Variants in SRGAP3 observed in about 807,000 individuals in gnomAD.
The protein encoded by SRGAP3 is SLIT-ROBO Rho GTPase activating protein 3.
A neutral mutation model predicts 121.1 loss-of-function variants in SRGAP3; 39 were observed. The ratio of observed to expected loss-of-function variants is 0.32; its 90% CI spans 0.25 to 0.42. The LOEUF (loss-of-function observed/expected upper bound fraction) is 0.42. Ranked by LOEUF, SRGAP3 falls within the 10% of genes least tolerant of loss-of-function variation. The pLI is 1.00. For missense variants in SRGAP3, 1,213 were observed against 1,470.6 expected, an observed-to-expected ratio of 0.82 and a Z score of 2.86; for synonymous variants, 601 against 570.0, an observed-to-expected ratio of 1.05 and a Z score of -0.77.
intron 4 of SRGAP3, among the ~76,000 whole-genome samples, 172 bp downstream of exon 4, chr3:9,079,851 GAA>G (rs1947157342): frequency 6.6e-6 from 1 of 152,230 alleles, no homozygotes; most frequent in Non-Finnish European, 1.5e-5. Context: ...TACAGAATCA[GAA>G]GCTGGGGCTG....
intron 8 of SRGAP3, among the ~76,000 whole-genome samples, chr3:9,055,344 T>A (rs952396165): frequency 2.6e-5 from 4 of 152,216 alleles, no homozygotes; most frequent in Non-Finnish European, 5.9e-5. Flanking sequence ...CTTTAAAGAA[T>A]AAACCTGCCC....
chr3:9,027,447 G>A (rs766571174), intron 12 of SRGAP3, among the ~76,000 whole-genome samples: 1 of 152,134 alleles, frequency 6.6e-6, no homozygotes, highest in African/African-American at 2.4e-5. Flanking sequence ...GCACACCAGG[G>A]GGGAAGCAAG....
intron 1 of SRGAP3, among the ~76,000 whole-genome samples, chr3:9,141,390 C>T (rs545849594): frequency 6.6e-6 from 1 of 152,310 alleles, no homozygotes; most frequent in African/African-American, 2.4e-5. Context: ...ATGCACATTG[C>T]GGCTACTGCA....
chr3:9,123,309 T>C (rs570385793), intron 2 of SRGAP3, among the ~76,000 whole-genome samples: 1 of 152,256 alleles, frequency 6.6e-6, no homozygotes, highest in East Asian at 1.9e-4. Flanking sequence ...GCCACTGAAC[T>C]GTTCATTTAA....
chr3:9,307,003 T>C (rs1298948972), intron 3 of SRGAP3, among the ~76,000 whole-genome samples: 1 of 152,198 alleles, frequency 6.6e-6, no homozygotes, highest in Non-Finnish European at 1.5e-5. Flanking sequence ...GATAGGGTCT[T>C]GCTCTGTTAC....
chr3:9,301,304 T>C (rs1035710383), intron 3 of SRGAP3, among the ~76,000 whole-genome samples: 2 of 152,210 alleles, frequency 1.3e-5, no homozygotes, highest in Non-Finnish European at 2.9e-5. Context: ...ACATCCGGGA[T>C]GGCCCAGAAG....
At chr3:9,147,759 C>T (rs556642190) in intron 1 of SRGAP3, among the ~76,000 whole-genome samples, 48 of 152,282 alleles carry the variant, frequency 3.2e-4, no homozygotes, top group South Asian at 1.9e-3. Flanking sequence ...TCCACACAGC[C>T]GTCCAGAGTG....
chr3:9,121,876 C>T (rs1469712338), intron 2 of SRGAP3, among the ~76,000 whole-genome samples: 1 of 152,208 alleles, frequency 6.6e-6, no homozygotes, highest in East Asian at 1.9e-4. Flanking sequence ...CTCCAGTGGC[C>T]ATTCAGCCAG....
chr3:9,043,167 T>C (rs960131476), intron 10 of SRGAP3, among the ~76,000 whole-genome samples: 1 of 152,156 alleles, frequency 6.6e-6, no homozygotes, highest in Non-Finnish European at 1.5e-5. Context: ...CCAGCTGTTT[T>C]TTAAGAGACA....
At chr3:9,104,516 G>A (rs1286558928) in intron 3 of SRGAP3, among the ~76,000 whole-genome samples, 164 bp downstream of exon 3, 1 of 152,194 alleles carries the variant, frequency 6.6e-6, no homozygotes, top group Non-Finnish European at 1.5e-5. Context: ...GGGTTCAAAT[G>A]GGCTGGGGTC....
chr3:9,150,014 C>A (rs1950163090), intron 1 of SRGAP3, among the ~76,000 whole-genome samples: 1 of 152,088 alleles, frequency 6.6e-6, no homozygotes, highest in Non-Finnish European at 1.5e-5. Context: ...ACACACCTGC[C>A]CCTTTCTTCA....
chr3:9,132,100 A>G (rs1275028892), intron 1 of SRGAP3, among the ~76,000 whole-genome samples: 1 of 152,074 alleles, frequency 6.6e-6, no homozygotes, highest in Non-Finnish European at 1.5e-5. Context: ...TTTTTAATTA[A>G]TGGGCTATTT....
chr3:8,992,222 G>C (rs1942099154), intron 20 of SRGAP3, among the ~76,000 whole-genome samples: 1 of 152,178 alleles, frequency 6.6e-6, no homozygotes. Context: ...CATAGAATAT[G>C]ACATTTTGAG....
rs373814480 is a variant in SRGAP3, at chr3:9,121,710, C to A, written c.260+3015G>T. ...GATACAAGGGAATAGGGTGCCCCCC[C>A]ATATCCACAATCCCTGCCTTTCTCC... On this transcript the variant is annotated intron_variant, in intron 2 of 21. Transcript: ENST00000383836. Among the ~76,000 whole-genome samples, 382 of 152,328 alleles carry A rather than the reference C, an allele frequency of 2.5e-3. 2 individuals carry two copies. The highest frequency in any genetic ancestry group is 8.6e-3 in the African/African-American group (357 of 41,572).
intron 3 of SRGAP3, among the ~76,000 whole-genome samples, chr3:9,318,276 C>T (rs1465957223): frequency 6.6e-6 from 1 of 150,566 alleles, no homozygotes; most frequent in African/African-American, 2.4e-5. Context: ...TCCAGCCCAG[C>T]ACCCTTTCTG....
intron 14 of SRGAP3, among the ~76,000 whole-genome samples, chr3:9,017,663 C>T (rs1943705784): frequency 2.0e-5 from 3 of 152,188 alleles, no homozygotes; most frequent in African/African-American, 4.8e-5. Context: ...TCTGAAGTAA[C>T]GTTATGATGA....
chr3:9,049,904 G>T (rs953721459), intron 9 of SRGAP3, among the ~76,000 whole-genome samples: 1 of 151,788 alleles, frequency 6.6e-6, no homozygotes, highest in Non-Finnish European at 1.5e-5. Context: ...GGGACTACAG[G>T]CACACGCCAG....
chr3:9,157,836 C>T (rs1950469209), intron 1 of SRGAP3, among the ~76,000 whole-genome samples: 1 of 152,224 alleles, frequency 6.6e-6, no homozygotes, highest in Non-Finnish European at 1.5e-5. Flanking sequence ...CTGCTACAGT[C>T]AGGGGGACAA....
intron 2 of SRGAP3, among the ~76,000 whole-genome samples, chr3:9,121,919 C>T (rs1949018997): frequency 6.6e-6 from 1 of 152,140 alleles, no homozygotes; most frequent in Admixed American, 6.5e-5. Flanking sequence ...GTCTGCTGTG[C>T]CTGTGGTTCC....
Sources: allele counts gnomAD v4.1 joint callset (sites outside exome capture counted in the v4.1 genomes callset), GRCh38; gene constraint gnomAD v4.1.1; transcripts MANE v1.5; gene names NCBI Gene and HGNC (gene_info 2026-07-23, HGNC 2026-07-21).